Variants in NUP133 observed in about 807,000 individuals in gnomAD.
NUP133 encodes the protein nucleoporin 133.
NUP133 carries 66 observed loss-of-function variants against 146.2 expected under a neutral mutation model. The ratio of observed to expected loss-of-function variants is 0.45; its 90% CI spans 0.37 to 0.55. NUP133 has a LOEUF of 0.55. Among genes scored for constraint, NUP133 ranks in the 20% least tolerant of loss-of-function variants. NUP133 has a pLI of 0.00. For synonymous variants in NUP133, 521 were observed against 498.8 expected, an observed-to-expected ratio of 1.04 and a Z score of -0.59; for missense variants, 1,277 against 1,374.8, an observed-to-expected ratio of 0.93 and a Z score of 1.12.
At chr1:229,471,772 A>C (rs1660961646) in intron 14 of NUP133, among the ~76,000 whole-genome samples, 1 of 152,182 alleles carries the variant, frequency 6.6e-6, no homozygotes. Context: ...CATTTTCTAT[A>C]TGCTTTTGTA....
Position 229,487,552 on chromosome 1 carries a change from A to G in NUP133, c.1256T>C (p.Leu419Pro). The change falls in exon 10 of 26, where the codon CTG becomes CCG. Residue 419 changes from leucine to proline, a missense_variant. Leu to Pro is a moderately conservative substitution (Grantham distance 98). Around this residue, in one of 3 missense-constraint regions of NUP133, gnomAD observed 952 missense variants for 1,047.0 expected, o/e 0.91. Transcript: ENST00000261396. ...VPNFSNQTAY[L>P]YNESAVYVCS... ...CACATAGACAGCACTTTCGTTATACAGATAGGCAGTCTGGTTTGAAAAGTT... is the reference window on the plus strand; with the variant it reads ...CACATAGACAGCACTTTCGTTATACGGATAGGCAGTCTGGTTTGAAAAGTT... The G allele has an allele frequency of 6.2e-7, 1 of 1,613,534 alleles. No homozygotes were observed. The highest frequency in any genetic ancestry group is 8.5e-7 in the Non-Finnish European group (1 of 1,179,640).
chr1:229,496,779 T>G (rs1661666180), intron 6 of NUP133, among the ~76,000 whole-genome samples: 1 of 152,154 alleles, frequency 6.6e-6, no homozygotes, highest in Admixed American at 6.5e-5. Flanking sequence ...CTCAGGAGCT[T>G]GAGACCAGCC....
intron 16 of NUP133, among the ~76,000 whole-genome samples, chr1:229,466,234 G>T (rs1444811844): frequency 6.6e-6 from 1 of 152,038 alleles, no homozygotes; most frequent in Non-Finnish European, 1.5e-5. Flanking sequence ...ACTCTTGGAG[G>T]TTGAGGCAGG....
chr1:229,449,502 G>A (rs1660393505), intron 23 of NUP133, among the ~76,000 whole-genome samples: 1 of 151,634 alleles, frequency 6.6e-6, no homozygotes, highest in East Asian at 1.9e-4. Context: ...CAAGTAGCTG[G>A]GATTATAGGC....
At chr1:229,502,837 T>A (rs1265282458) in intron 2 of NUP133, among the ~76,000 whole-genome samples, 2 of 145,518 alleles carry the variant, frequency 1.4e-5, no homozygotes, top group Non-Finnish European at 3.0e-5. Flanking sequence ...GGCAGTGCAC[T>A]TCCCAGCTAC....
At chr1:229,450,671 GAGAAA>G (rs1159123464) in intron 22 of NUP133, 66 bp from the exon 23 acceptor site, 3 of 736,724 alleles carry the variant, frequency 4.1e-6, no homozygotes, top group Non-Finnish European at 6.7e-6. Flanking sequence ...GACATTTATG[GAGAAA>G]AGAAGTCATT....
At chr1:229,467,954 T>A (rs1016924677) in intron 15 of NUP133, among the ~76,000 whole-genome samples, 1 of 150,192 alleles carries the variant, frequency 6.7e-6, no homozygotes, top group South Asian at 2.1e-4. Flanking sequence ...GCATATATAA[T>A]ATAAAAGACA....
chr1:229,456,380 C>T (rs1660559252), intron 21 of NUP133, among the ~76,000 whole-genome samples: 1 of 152,180 alleles, frequency 6.6e-6, no homozygotes, highest in Non-Finnish European at 1.5e-5. Flanking sequence ...TGTAAAGAAG[C>T]ATTTCACTGA....
intron 20 of NUP133, among the ~76,000 whole-genome samples, chr1:229,460,191 CCATT>C (rs988518316): frequency 7.2e-5 from 11 of 152,112 alleles, no homozygotes; most frequent in Non-Finnish European, 1.3e-4. Flanking sequence ...AGGTCTTTTG[CCATT>C]CATTCATTCA....
intron 21 of NUP133, among the ~76,000 whole-genome samples, chr1:229,455,654 TAG>T (rs1660543527): frequency 6.6e-6 from 1 of 152,180 alleles, no homozygotes; most frequent in African/African-American, 2.4e-5. Flanking sequence ...ATCCTCCAGC[TAG>T]AGTCATCTGT....
chr1:229,466,859 A>G (rs2102759699), intron 15 of NUP133, 103 bp from the exon 16 acceptor site: 1 of 933,862 alleles, frequency 1.1e-6, no homozygotes, highest in African/African-American at 1.7e-5. Flanking sequence ...TCAGACCTAT[A>G]GATGGAGGAA....
chr1:229,495,401 G>T, intron 8 of NUP133, 94 bp downstream of exon 8: 1 of 830,154 alleles, frequency 1.2e-6, no homozygotes, highest in Non-Finnish European at 2.0e-6. Flanking sequence ...CAAAGAAAGA[G>T]CACATAGTGA....
chr1:229,444,873 T>C, intron 25 of NUP133, 41 bp downstream of exon 25: 1 of 1,365,994 alleles, frequency 7.3e-7, no homozygotes. Context: ...AACTGAGGAA[T>C]GACACTGTAA....
At chr1:229,502,797 T>TA (rs776726500) in intron 2 of NUP133, among the ~76,000 whole-genome samples, 1,980 of 124,922 alleles carry the variant, frequency 0.016, 23 homozygotes, top group African/African-American at 0.036. Context: ...CTCTCTCTCT[T>TA]AAAAAAAAAA....
chr1:229,477,499 T>C (rs1661106526), intron 13 of NUP133, 98 bp downstream of exon 13: 1 of 871,394 alleles, frequency 1.1e-6, no homozygotes, highest in East Asian at 3.0e-5. Context: ...TAATATTAAA[T>C]TGTTTGAGAA....
At chr1:229,499,275 AAT>A in intron 5 of NUP133, 1 of 468,902 alleles carries the variant, frequency 2.1e-6, no homozygotes, top group East Asian at 6.9e-5. Flanking sequence ...TTTTTAAGCC[AAT>A]CTTATAAAAT....
chr1:229,475,737 T>TA lies in NUP133; in HGVS notation c.1757-6dup, dbSNP rs749116234. 6.2e-7 allele frequency: 1 copy of TA among 1,604,058 alleles called. No homozygotes were observed. The highest frequency in any genetic ancestry group is 1.3e-5 in the African/African-American group (1 of 74,694). ...TATTGCTGAACCCAGGTGCTTCTGT[T>TA]AAAACACAGTGATAAAACTTAGAAC... On this transcript the variant is annotated splice_region_variant and splice_polypyrimidine_tract_variant and intron_variant, in intron 13 of 25. Coordinates refer to ENST00000261396, the MANE Select transcript of NUP133 (RefSeq NM_018230.3).
intron 13 of NUP133, among the ~76,000 whole-genome samples, chr1:229,476,673 C>T (rs1388339945): frequency 2.6e-5 from 4 of 152,110 alleles, no homozygotes; most frequent in African/African-American, 9.7e-5. Flanking sequence ...CCTGAAATCC[C>T]AGCACTTTGG....
At position 229,500,450 on chromosome 1, in the gene NUP133, A is replaced by G. The variant is rs546676872; in HGVS notation, c.513+306T>C. On this transcript the variant is annotated intron_variant, in intron 4 of 25. Coordinates refer to ENST00000261396, the MANE Select transcript of NUP133 (RefSeq NM_018230.3). ...ATACAATACAAATTGGTCATTTGTA[A>G]TTTTAAAATTACAAATGTTCCTACA... Among the ~76,000 whole-genome samples the G allele has an allele frequency of 6.3e-4, 96 of 152,212 alleles. 1 individual carries two copies. Among genetic ancestry groups the G allele is most frequent in the Non-Finnish European group, 8.5e-4 (58 of 68,030 alleles).
Sources: gnomAD v4.1 joint callset for allele counts (sites outside exome capture counted in the v4.1 genomes callset) on GRCh38, gnomAD v4.1.1 for gene constraint, gnomAD v4.1.1 regional missense constraint, MANE v1.5 for transcripts, NCBI Gene and HGNC (gene_info 2026-07-23, HGNC 2026-07-21) for gene names.